The following CTNND2 variants were observed in gnomAD, a reference collection of about 807,000 sequenced individuals.
CTNND2 encodes catenin delta-2.
Under a neutral mutation model 144.4 loss-of-function variants are expected in CTNND2, and 22 were observed. The ratio of observed to expected loss-of-function variants is 0.15; its 90% confidence interval spans 0.11 to 0.22. The LOEUF (loss-of-function observed/expected upper bound fraction) is 0.22, where lower values mean the gene tolerates loss of function less well. CTNND2 is among the 10% of genes least tolerant of loss of function. CTNND2 has a pLI of 1.00. For synonymous variants in CTNND2, 751 were observed against 695.6 expected, an observed-to-expected ratio of 1.08 and a Z score of -1.25; for missense variants, 1,353 against 1,618.8, an observed-to-expected ratio of 0.84 and a Z score of 2.82.
chr5:11,173,879 A>G (rs1435574218), intron 11 of CTNND2, among the ~76,000 whole-genome samples: 3 of 152,150 alleles, frequency 2.0e-5, no homozygotes, highest in Non-Finnish European at 4.4e-5. Context: ...CCCCAAAAGG[A>G]TGGTTGGTTT....
chr5:11,085,773 G>C (rs780016013), intron 15 of CTNND2, among the ~76,000 whole-genome samples: 28 of 152,208 alleles, frequency 1.8e-4, no homozygotes, highest in Admixed American at 7.8e-4. Context: ...GCAGCACTGT[G>C]GGGGCTGCCA....
chr5:11,103,740 C>T (rs953299939), intron 14 of CTNND2, among the ~76,000 whole-genome samples: 1 of 150,346 alleles, frequency 6.7e-6, no homozygotes, highest in Non-Finnish European at 1.5e-5. Flanking sequence ...AAAAAAAAGA[C>T]TTTGTAAACA....
intron 20 of CTNND2, among the ~76,000 whole-genome samples, chr5:10,984,264 C>T (rs1737658438): frequency 6.6e-6 from 1 of 152,162 alleles, no homozygotes; most frequent in South Asian, 2.1e-4. Context: ...AGCACCTGGC[C>T]TCAGTGGACA....
At chr5:11,299,629 T>G (rs1749370859) in intron 9 of CTNND2, among the ~76,000 whole-genome samples, 1 of 152,134 alleles carries the variant, frequency 6.6e-6, no homozygotes, top group Non-Finnish European at 1.5e-5. Flanking sequence ...CTGTGGGTCG[T>G]CTAAGGTAGA....
chr5:11,083,851 G>T, intron 15 of CTNND2: 1 of 1,080,440 alleles, frequency 9.3e-7, no homozygotes, highest in Non-Finnish European at 1.1e-6. Flanking sequence ...CTTCCCCCAT[G>T]GGGGCAGGCA....
chr5:11,222,039 T>C (rs955736384), intron 10 of CTNND2, among the ~76,000 whole-genome samples: 4 of 152,264 alleles, frequency 2.6e-5, no homozygotes, highest in African/African-American at 9.6e-5. Flanking sequence ...CAAAGCACAG[T>C]GAGAAATCCC....
chr5:11,522,442 T>G (rs946434105), intron 3 of CTNND2, among the ~76,000 whole-genome samples: 1 of 152,176 alleles, frequency 6.6e-6, no homozygotes. Context: ...CATCAAAATC[T>G]GGTGTTTTGT....
intron 2 of CTNND2, among the ~76,000 whole-genome samples, chr5:11,584,903 A>G (rs969692977): frequency 3.9e-5 from 6 of 152,226 alleles, no homozygotes; most frequent in South Asian, 2.1e-4. Context: ...TCATGCTAAT[A>G]GAGGATAGAA....
chr5:11,546,046 G>A (rs2150076790), intron 3 of CTNND2, among the ~76,000 whole-genome samples: 1 of 152,208 alleles, frequency 6.6e-6, no homozygotes, highest in East Asian at 1.9e-4. Flanking sequence ...GATGCTAAGT[G>A]AAAAGAGCCA....
intron 2 of CTNND2, among the ~76,000 whole-genome samples, chr5:11,643,903 C>T (rs1896702): frequency 0.3 from 44,998 of 151,764 alleles, 8,134 homozygotes; most frequent in African/African-American, 0.5. Flanking sequence ...TTTTTGTTCC[C>T]AGTCATTACT....
At chr5:11,266,968 T>G (rs1398737764) in intron 9 of CTNND2, among the ~76,000 whole-genome samples, 1 of 152,170 alleles carries the variant, frequency 6.6e-6, no homozygotes, top group African/African-American at 2.4e-5. Flanking sequence ...AACCTCCATC[T>G]CCAGGGTTCA....
chr5:11,819,072 T>C (rs1220198124), intron 1 of CTNND2, among the ~76,000 whole-genome samples: 1 of 152,194 alleles, frequency 6.6e-6, no homozygotes, highest in Non-Finnish European at 1.5e-5. Context: ...AAGATCTTAA[T>C]TGAAACAGTA....
At chr5:11,492,904 C>T (rs1027230781) in intron 3 of CTNND2, among the ~76,000 whole-genome samples, 2 of 151,886 alleles carry the variant, frequency 1.3e-5, no homozygotes, top group Non-Finnish European at 2.9e-5. Context: ...AACCCTGTCT[C>T]TACTTAAAAA....
At chr5:11,591,089 C>T (rs1191447516) in intron 2 of CTNND2, among the ~76,000 whole-genome samples, 2 of 152,150 alleles carry the variant, frequency 1.3e-5, no homozygotes, top group African/African-American at 4.8e-5. Flanking sequence ...GAGGATTTTC[C>T]ATTACCTGCA....
chr5:11,488,140 GACTT>G (rs1407750774), intron 3 of CTNND2, among the ~76,000 whole-genome samples: 1 of 152,100 alleles, frequency 6.6e-6, no homozygotes, highest in Non-Finnish European at 1.5e-5. Flanking sequence ...AGAAAATACT[GACTT>G]ACTTAGTATT....
intron 8 of CTNND2, among the ~76,000 whole-genome samples, chr5:11,348,437 C>CAAAAAAAA (rs3034056): frequency 5.4e-3 from 617 of 113,980 alleles, no homozygotes; most frequent in Middle Eastern, 0.017. Flanking sequence ...AAATCAAGGG[C>CAAAAAAAA]AAAAAAAAAA....
At chr5:11,037,152 G>T (rs1032571296) in intron 16 of CTNND2, among the ~76,000 whole-genome samples, 1 of 152,102 alleles carries the variant, frequency 6.6e-6, no homozygotes, top group Non-Finnish European at 1.5e-5. Context: ...AAATTAAAAG[G>T]CCATGGAGAT....
chr5:11,652,315 A>G (rs1246494912), intron 2 of CTNND2, among the ~76,000 whole-genome samples: 6 of 145,042 alleles, frequency 4.1e-5, no homozygotes, highest in Non-Finnish European at 8.0e-5. Context: ...TGTCATAATT[A>G]TAAGTTTCAT....
chr5:11,093,190 T>A (rs914264424), intron 15 of CTNND2, among the ~76,000 whole-genome samples: 2 of 152,230 alleles, frequency 1.3e-5, no homozygotes, highest in Non-Finnish European at 2.9e-5. Flanking sequence ...TGTACAAAGA[T>A]TTTAAAATGT....
Sources: gnomAD v4.1 joint callset for allele counts (sites outside exome capture counted in the v4.1 genomes callset) on GRCh38, gnomAD v4.1.1 for gene constraint, MANE v1.5 for transcripts, NCBI Gene and HGNC (gene_info 2026-07-23, HGNC 2026-07-21) for gene names.